Variants in ITSN2 observed in about 807,000 individuals in gnomAD.
ITSN2 encodes the protein intersectin 2.
ITSN2 carries 156 observed loss-of-function variants against 243.7 expected under a neutral mutation model. That is an observed-to-expected ratio of 0.64 (90% CI 0.56 to 0.73). ITSN2 has a LOEUF of 0.73. ITSN2 is among the 30% of genes least tolerant of loss of function. The pLI, the probability that ITSN2 is intolerant of heterozygous loss-of-function variation, is 0.00. For synonymous variants in ITSN2, 703 were observed against 699.9 expected (o/e 1.00, Z -0.07); for missense variants, 1,801 against 1,996.1 (o/e 0.90, Z 1.86).
chr2:24,260,389 T>C (rs1317568083), intron 22 of ITSN2, among the ~76,000 whole-genome samples: 5 of 151,590 alleles, frequency 3.3e-5, no homozygotes, highest in African/African-American at 1.2e-4. Flanking sequence ...AATGTAACCC[T>C]ATTGCAATAG....
At chr2:24,237,749 ATTTTT>A (rs1672329295) in intron 29 of ITSN2, among the ~76,000 whole-genome samples, 1 of 151,974 alleles carries the variant, frequency 6.6e-6, no homozygotes, top group Non-Finnish European at 1.5e-5. Flanking sequence ...CCGTTTCATC[ATTTTT>A]TGCTCCACCT....
At chr2:24,295,082 A>G (rs1367697738) in intron 14 of ITSN2, among the ~76,000 whole-genome samples, 1 of 152,228 alleles carries the variant, frequency 6.6e-6, no homozygotes, top group African/African-American at 2.4e-5. Flanking sequence ...TATAGCAAGT[A>G]ATGAATTAAG....
Position 24,204,659 on chromosome 2 carries a change from C to T in ITSN2, c.4763-241G>A, listed in dbSNP as rs762403292. 4.7e-5 allele frequency: 29 copies of T among 619,004 alleles called. No homozygotes were observed. Among genetic ancestry groups the T allele is most frequent in the Non-Finnish European group, 6.3e-5 (21 of 331,882 alleles). 38.3% of individuals were successfully genotyped at this position (619,004 alleles called of 1,614,324 possible). On this transcript the variant is annotated intron_variant, in intron 38 of 39. Transcript: ENST00000355123. This position sits in a 1 kb window ranked among gnomAD's most constrained non-coding sequence, Gnocchi z 5.1. ...GCTCCACCGCCAGGACCACTCCGCA[C>T]GGAACAATCCTGGGTGAGTGTCACT...
chr2:24,258,141 T>G, intron 22 of ITSN2, 48 bp from the exon 23 acceptor site: 1 of 1,347,992 alleles, frequency 7.4e-7, no homozygotes, highest in Non-Finnish European at 1.1e-6. Context: ...ATGGTAACTA[T>G]GATTTCTGTT....
chr2:24,294,138 A>T (rs1448901611), intron 14 of ITSN2, among the ~76,000 whole-genome samples: 1 of 152,122 alleles, frequency 6.6e-6, no homozygotes, highest in Non-Finnish European at 1.5e-5. Flanking sequence ...TCAAAGAGGG[A>T]CTAAAAGCTG....
chr2:24,246,745 G>C, intron 28 of ITSN2, 52 bp downstream of exon 28: 1 of 1,087,680 alleles, frequency 9.2e-7, no homozygotes, highest in Non-Finnish European at 1.4e-6. Context: ...AGAAGTTGCT[G>C]AGTTTTAACA....
intron 2 of ITSN2, among the ~76,000 whole-genome samples, chr2:24,324,159 T>G (rs905483809): frequency 1.3e-5 from 2 of 152,104 alleles, no homozygotes; most frequent in African/African-American, 4.8e-5. Context: ...GTGAACCCAG[T>G]AGGCGGAGCT....
chr2:24,277,728 T>G (rs1335018032), intron 17 of ITSN2, among the ~76,000 whole-genome samples: 3 of 152,218 alleles, frequency 2.0e-5, no homozygotes, highest in Non-Finnish European at 4.4e-5. Flanking sequence ...TTAATTATGG[T>G]ACAAGGGTGT....
rs1332269617 is a variant in ITSN2, at chr2:24,211,845, A to C, written c.4089+805T>G. Among the ~76,000 whole-genome samples the C allele has an allele frequency of 1.3e-5, 2 of 152,218 alleles. No homozygotes were observed. Among genetic ancestry groups the C allele is most frequent in the African/African-American group, 2.4e-5 (1 of 41,452 alleles). On this transcript the variant is annotated intron_variant, in intron 33 of 39. Transcript: ENST00000355123. This position sits in a 1 kb window ranked among gnomAD's most constrained non-coding sequence, Gnocchi z 4.1. Reference sequence around the variant, plus strand: ...TATTTGAGCTACATTCCGAATTCTGAAACACATCTGGCCCCAAGTATTTCA... The same window carrying C: ...TATTTGAGCTACATTCCGAATTCTGCAACACATCTGGCCCCAAGTATTTCA...
At chr2:24,213,330 C>T (rs778939677) in intron 32 of ITSN2, among the ~76,000 whole-genome samples, 55 of 152,158 alleles carry the variant, frequency 3.6e-4, no homozygotes, top group Non-Finnish European at 6.9e-4. Flanking sequence ...GATTTGTGAA[C>T]GCCAGGCCCA....
In ITSN2 at chr2:24,308,732, G is replaced by A; in HGVS notation, c.678C>T (p.Leu226=). The stretch of plus-strand genomic sequence containing the variant: ...TCCCAGTCTTGGGTGAGTTCCCTGA[G>A]AGTGAAGCAGTCGAGGAAGTTGAGC... ...SSSSTSSTAS[L]SGNSPKTGTS... Residue 226 remains leucine, a synonymous_variant, in exon 8 of 40, where the codon CTC becomes CTT. Coordinates refer to ENST00000355123, the MANE Select transcript of ITSN2 (RefSeq NM_006277.3). 5 of 1,477,442 alleles carry A rather than the reference G, an allele frequency of 3.4e-6. No individual in the cohort carries two copies. The highest frequency in any genetic ancestry group is 2.1e-5 in the Admixed American group (1 of 48,508). The allele number at this position is 1,477,442 out of a possible 1,614,324, so 91.5% of individuals were successfully genotyped here.
intron 2 of ITSN2, among the ~76,000 whole-genome samples, chr2:24,317,360 C>T (rs555172572): frequency 8.2e-4 from 124 of 150,588 alleles, no homozygotes; most frequent in South Asian, 7.8e-3. Context: ...CTCCAGCCTG[C>T]GCCGACAAGG....
chr2:24,273,816 G>A (rs1378389255), intron 18 of ITSN2: 3 of 152,166 alleles, frequency 2.0e-5, no homozygotes, highest in African/African-American at 7.2e-5. Flanking sequence ...TCAGAAGCTG[G>A]GCAAAGGGCA....
chr2:24,242,456 T>C (rs1182233563), intron 29 of ITSN2, among the ~76,000 whole-genome samples: 1 of 152,086 alleles, frequency 6.6e-6, no homozygotes, highest in Non-Finnish European at 1.5e-5. Context: ...AGGTGATTCA[T>C]CTATAAAAAG....
chr2:24,306,517 G>A (rs1397326313), intron 8 of ITSN2, among the ~76,000 whole-genome samples: 1 of 152,146 alleles, frequency 6.6e-6, no homozygotes, highest in Non-Finnish European at 1.5e-5. Context: ...CATTCATGTT[G>A]TTGCAGGTAT....
At chr2:24,356,457 C>A (rs750110788) in intron 1 of ITSN2, among the ~76,000 whole-genome samples, 30 of 150,400 alleles carry the variant, frequency 2.0e-4, no homozygotes, top group Non-Finnish European at 2.8e-4. Context: ...GGTCTAATAT[C>A]CAGAATTTAC....
intron 2 of ITSN2, among the ~76,000 whole-genome samples, chr2:24,316,081 C>T (rs1344337360): frequency 1.3e-5 from 2 of 152,062 alleles, no homozygotes. Flanking sequence ...CATTTCACAC[C>T]ATAAGGGCAC....
chr2:24,319,652 C>T (rs1684319863), intron 2 of ITSN2, among the ~76,000 whole-genome samples: 1 of 152,238 alleles, frequency 6.6e-6, no homozygotes, highest in Non-Finnish European at 1.5e-5. Flanking sequence ...GACTCAATTA[C>T]TCAAACTCCA....
intron 1 of ITSN2, among the ~76,000 whole-genome samples, chr2:24,334,054 TA>T (rs1686079524): frequency 6.6e-6 from 1 of 150,988 alleles, no homozygotes; most frequent in African/African-American, 2.4e-5. Context: ...CACACCTGGC[TA>T]ATTTTTTTTT....
Sources: gnomAD v4.1 joint callset for allele counts (sites outside exome capture counted in the v4.1 genomes callset) on GRCh38, gnomAD v4.1.1 for gene constraint, Gnocchi (gnomAD v3.1) non-coding constraint, MANE v1.5 for transcripts, NCBI Gene and HGNC (gene_info 2026-07-23, HGNC 2026-07-21) for gene names.